The following IMPG1 variants were observed in gnomAD, a reference collection of about 807,000 sequenced individuals.
IMPG1 encodes interphotoreceptor matrix proteoglycan 1.
In IMPG1, 85 loss-of-function variants were observed where a neutral mutation model predicts 92.0. The ratio of observed to expected loss-of-function variants is 0.92; its 90% CI spans 0.78 to 1.11. IMPG1 has a LOEUF of 1.11. Among genes scored for constraint, IMPG1 ranks in the 50% least tolerant of loss-of-function variants. The pLI, the probability that IMPG1 is intolerant of heterozygous loss-of-function variation, is 0.00. For synonymous variants in IMPG1, 367 were observed against 334.1 expected (o/e 1.10, Z -1.08); for missense variants, 1,022 against 956.0 (o/e 1.07, Z -0.91).
chr6:76,048,528 G>A (rs1783983547), intron 1 of IMPG1, among the ~76,000 whole-genome samples: 1 of 152,134 alleles, frequency 6.6e-6, no homozygotes, highest in Admixed American at 6.6e-5. Flanking sequence ...TCCTACTTAA[G>A]ACCAACTCTC....
intron 14 of IMPG1, chr6:75,935,043 G>GTCTC (rs752273854): frequency 4.3e-6 from 2 of 470,170 alleles, no homozygotes; most frequent in Admixed American, 4.7e-5. Flanking sequence ...GTCCCGTTGG[G>GTCTC]TCTCTCTTTC....
intron 1 of IMPG1, among the ~76,000 whole-genome samples, chr6:76,045,415 C>G (rs866686596): frequency 6.8e-6 from 1 of 147,288 alleles, no homozygotes; most frequent in Non-Finnish European, 1.5e-5. Context: ...ACTTTAGGTT[C>G]TCTTGGCTGA....
At chr6:76,026,302 T>C (rs186076629) in intron 4 of IMPG1, among the ~76,000 whole-genome samples, 190 of 152,324 alleles carry the variant, frequency 1.2e-3, no homozygotes, top group African/African-American at 4.4e-3. Context: ...GCAACATTTT[T>C]TGGCGCCCAA....
chr6:75,991,388 C>A (rs1345137136), intron 12 of IMPG1, among the ~76,000 whole-genome samples: 1 of 150,302 alleles, frequency 6.7e-6, no homozygotes, highest in Non-Finnish European at 1.5e-5. Flanking sequence ...AAGACTCTGC[C>A]TTGGAAATAA....
chr6:75,975,711 T>G (rs1366263969), intron 12 of IMPG1, among the ~76,000 whole-genome samples: 1 of 152,212 alleles, frequency 6.6e-6, no homozygotes, highest in African/African-American at 2.4e-5. Context: ...TCACCATTCC[T>G]GATTGCTTAT....
At chr6:75,925,624 C>G (rs138253306) in intron 15 of IMPG1, among the ~76,000 whole-genome samples, 1 of 151,950 alleles carries the variant, frequency 6.6e-6, no homozygotes, top group Non-Finnish European at 1.5e-5. Flanking sequence ...CCAAGGAGTT[C>G]GAGACCAGCC....
intron 12 of IMPG1, among the ~76,000 whole-genome samples, chr6:75,987,485 G>A (rs572485291): frequency 2.0e-4 from 19 of 96,108 alleles, no homozygotes; most frequent in African/African-American, 4.9e-4. Context: ...CACAGGCTCC[G>A]GTGTGTGATG....
At chr6:75,987,298 A>G (rs1486708411) in intron 12 of IMPG1, among the ~76,000 whole-genome samples, 9 of 131,702 alleles carry the variant, frequency 6.8e-5, no homozygotes, top group African/African-American at 2.4e-4. Context: ...TCTGACACAC[A>G]GTCTTTTTTT....
intron 12 of IMPG1, among the ~76,000 whole-genome samples, chr6:75,968,433 T>G (rs866895316): frequency 6.6e-5 from 10 of 152,168 alleles, no homozygotes; most frequent in Non-Finnish European, 1.3e-4. Flanking sequence ...TTTATTAGAA[T>G]AGCAATGTAG....
chr6:75,924,403 TATATATAATTATATATA>T (rs1399753821), intron 15 of IMPG1, among the ~76,000 whole-genome samples: 1 of 116,332 alleles, frequency 8.6e-6, no homozygotes, highest in Non-Finnish European at 1.7e-5. Context: ...TATAAAAAAT[TATATATAATTATATATA>T]ATATATAATT....
intron 14 of IMPG1, among the ~76,000 whole-genome samples, chr6:75,945,148 G>A (rs185075644): frequency 7.2e-5 from 11 of 152,228 alleles, no homozygotes; most frequent in Admixed American, 2.6e-4. Context: ...CAAATACCTT[G>A]TCACGCTACT....
chr6:76,007,019 T>C (rs181531888), intron 9 of IMPG1, among the ~76,000 whole-genome samples: 2 of 152,294 alleles, frequency 1.3e-5, no homozygotes, highest in Admixed American at 1.3e-4. Context: ...TTCTTATTAC[T>C]GAGCTCTCCA....
Position 75,921,465 on chromosome 6 carries a change from T to C in IMPG1, c.*624A>G, listed in dbSNP as rs1224197470. On this transcript the variant is annotated 3_prime_UTR_variant, in exon 17 of 17. Transcript: ENST00000369950. ...CATGGTATGTGTATCTGAACCTCAG[T>C]TTCTTTTAAAGAACAATTCAAAGAT... 6.6e-6 allele frequency: 1 copy of C among 152,612 alleles called. No individual in the cohort carries two copies. The highest frequency in any genetic ancestry group is 1.9e-4 in the East Asian group (1 of 5,198). The allele number at this position is 152,612 out of a possible 1,614,324, so 9.5% of individuals were successfully genotyped here.
At chr6:76,021,113 A>G (rs1356887568) in intron 6 of IMPG1, among the ~76,000 whole-genome samples, 4 of 152,114 alleles carry the variant, frequency 2.6e-5, no homozygotes, top group African/African-American at 9.7e-5. Flanking sequence ...GGCAGCCACT[A>G]TGAAACTTCA....
chr6:75,983,986 G>T (rs1782672095), intron 12 of IMPG1, among the ~76,000 whole-genome samples: 1 of 152,066 alleles, frequency 6.6e-6, no homozygotes, highest in Admixed American at 6.6e-5. Flanking sequence ...TCATTAATCA[G>T]CAGGGAAATG....
At position 75,975,024 on chromosome 6, in the gene IMPG1, A is replaced by G. The variant is rs141016007; in HGVS notation, c.1292-23930T>C. On this transcript the variant is annotated intron_variant, in intron 12 of 16. Transcript: ENST00000369950. ...GGAAAGTAGGAAGTTATAAAATCAC[A>G]AGTGAATCAGAACTAAAATGGATGT... Among the ~76,000 whole-genome samples, 535 of 152,360 alleles carry G rather than the reference A, an allele frequency of 3.5e-3. 2 individuals carry two copies. The highest frequency in any genetic ancestry group is 0.01 in the Middle Eastern group (3 of 294).
At chr6:75,966,456 C>T (rs975662184) in intron 12 of IMPG1, among the ~76,000 whole-genome samples, 1 of 152,130 alleles carries the variant, frequency 6.6e-6, no homozygotes, top group African/African-American at 2.4e-5. Flanking sequence ...TTGACCCTCT[C>T]GCTTTCTTGC....
chr6:76,011,097 C>T, intron 8 of IMPG1, 69 bp downstream of exon 8: 1 of 847,126 alleles, frequency 1.2e-6, no homozygotes, highest in South Asian at 1.5e-5. Flanking sequence ...ATCCTTATGG[C>T]ATTGTTTTTA....
chr6:76,001,156 CAGTA>C (rs1782981495), intron 12 of IMPG1, among the ~76,000 whole-genome samples: 1 of 152,092 alleles, frequency 6.6e-6, no homozygotes, highest in South Asian at 2.1e-4. Context: ...AAAATGGAAA[CAGTA>C]AGGCAATTTG....
Sources: gnomAD v4.1 joint callset for allele counts (sites outside exome capture counted in the v4.1 genomes callset) on GRCh38, gnomAD v4.1.1 for gene constraint, MANE v1.5 for transcripts, NCBI Gene and HGNC (gene_info 2026-07-23, HGNC 2026-07-21) for gene names.